The following CTNNA2 variants were observed in gnomAD, a reference collection of about 807,000 sequenced individuals.
The protein encoded by CTNNA2 is catenin alpha-2.
CTNNA2 carries 42 observed loss-of-function variants against 101.0 expected under a neutral mutation model. The ratio of observed to expected loss-of-function variants is 0.42; its 90% confidence interval spans 0.32 to 0.54. The LOEUF is 0.54. Ranked by LOEUF, CTNNA2 falls within the 20% of genes least tolerant of loss-of-function variation. The pLI is 0.14. For missense variants in CTNNA2, 871 were observed against 1,223.1 expected, an observed-to-expected ratio of 0.71 and a Z score of 4.29; for synonymous variants, 450 against 456.4, an observed-to-expected ratio of 0.99 and a Z score of 0.18.
chr2:79,256,861 A>G (rs1013287069), intron 2 of CTNNA2, among the ~76,000 whole-genome samples: 2 of 152,234 alleles, frequency 1.3e-5, no homozygotes, highest in African/African-American at 4.8e-5. Flanking sequence ...AGATTAAATG[A>G]GATAAAATGT....
intron 7 of CTNNA2, among the ~76,000 whole-genome samples, chr2:80,307,133 C>A (rs1677105735): frequency 6.6e-6 from 1 of 150,820 alleles, no homozygotes; most frequent in Non-Finnish European, 1.5e-5. Context: ...TATATGGTAT[C>A]TTTAAGCCTT....
intron 4 of CTNNA2, among the ~76,000 whole-genome samples, chr2:79,455,516 A>G (rs553232358): frequency 1.3e-5 from 2 of 152,194 alleles, no homozygotes; most frequent in East Asian, 1.9e-4. Flanking sequence ...ATTTCTATTT[A>G]GGGTTAATGT....
chr2:80,241,983 G>A (rs1339835794), intron 7 of CTNNA2, among the ~76,000 whole-genome samples: 1 of 152,256 alleles, frequency 6.6e-6, no homozygotes, highest in East Asian at 1.9e-4. Context: ...GAAATCCACA[G>A]CAAGTTAACT....
intron 18 of CTNNA2, among the ~76,000 whole-genome samples, chr2:80,635,638 C>T (rs981404850): frequency 6.6e-6 from 1 of 152,104 alleles, no homozygotes; most frequent in Non-Finnish European, 1.5e-5. Flanking sequence ...TTAATTGGAG[C>T]AATGATTGCA....
chr2:79,676,919 T>C (rs902123489), intron 2 of CTNNA2, among the ~76,000 whole-genome samples: 6 of 152,116 alleles, frequency 3.9e-5, no homozygotes, highest in Non-Finnish European at 8.8e-5. Flanking sequence ...CCACCTTTTG[T>C]GGGAAGTGCT....
chr2:80,532,418 A>G (rs1361977323), intron 9 of CTNNA2, among the ~76,000 whole-genome samples: 1 of 152,198 alleles, frequency 6.6e-6, no homozygotes, highest in East Asian at 1.9e-4. Context: ...TTCGTCACTT[A>G]GTATCCTTCT....
intron 2 of CTNNA2, among the ~76,000 whole-genome samples, chr2:79,224,169 G>A (rs1266906087): frequency 6.6e-6 from 1 of 152,150 alleles, no homozygotes; most frequent in African/African-American, 2.4e-5. Flanking sequence ...ATTTGTGTGT[G>A]TATATCTGCT....
At chr2:79,904,031 A>G (rs17018124) in intron 6 of CTNNA2, among the ~76,000 whole-genome samples, 2,974 of 152,192 alleles carry the variant, frequency 0.02, 103 homozygotes, top group African/African-American at 0.068. Flanking sequence ...AATATTTTTC[A>G]TATAATATGC....
At chr2:79,849,107 G>A (rs544910968) in intron 3 of CTNNA2, among the ~76,000 whole-genome samples, 43 of 152,204 alleles carry the variant, frequency 2.8e-4, no homozygotes, top group African/African-American at 1.0e-3. Context: ...CACTTCAGAG[G>A]CAGTGGCCCC....
intron 9 of CTNNA2, among the ~76,000 whole-genome samples, chr2:80,542,926 C>T (rs550570183): frequency 6.6e-6 from 1 of 151,960 alleles, no homozygotes; most frequent in East Asian, 1.9e-4. Context: ...ATTCTGGACT[C>T]GTACCACAGA....
At chr2:79,475,359 A>G (rs937942387) in intron 4 of CTNNA2, among the ~76,000 whole-genome samples, 4 of 152,190 alleles carry the variant, frequency 2.6e-5, no homozygotes, top group African/African-American at 7.2e-5. Flanking sequence ...GTACAAGTCC[A>G]GGAAAAAAGG....
In CTNNA2 at chr2:80,424,234, G is replaced by A. The variant is rs535913827; in HGVS notation, c.1290+4633G>A. Among the ~76,000 whole-genome samples the A allele has an allele frequency of 1.4e-4, 21 of 152,252 alleles. No homozygotes were observed. The South Asian group carries it at 1.5e-3, about 11-fold the overall frequency. Reference sequence around the variant, plus strand: ...CTCCCAAAGTGCTGGGATTACAGGCGTGAGCCACCGTGCCCGGCCCAGCAA... The same window carrying A: ...CTCCCAAAGTGCTGGGATTACAGGCATGAGCCACCGTGCCCGGCCCAGCAA... On this transcript the variant is annotated intron_variant, in intron 9 of 18. Transcript: ENST00000402739.
At chr2:79,967,710 A>G (rs1210371182) in intron 7 of CTNNA2, among the ~76,000 whole-genome samples, 1 of 152,134 alleles carries the variant, frequency 6.6e-6, no homozygotes, top group Non-Finnish European at 1.5e-5. Context: ...CAGCAAGTCC[A>G]CTCCTAAGTA....
intron 9 of CTNNA2, among the ~76,000 whole-genome samples, chr2:80,462,084 G>T (rs1413746991): frequency 6.6e-6 from 1 of 152,312 alleles, no homozygotes; most frequent in African/African-American, 2.4e-5. Context: ...TGCCTTAGAA[G>T]TCTAGGGAAT....
At chr2:79,535,840 G>A (rs1392320143) in intron 1 of CTNNA2, among the ~76,000 whole-genome samples, 1 of 152,054 alleles carries the variant, frequency 6.6e-6, no homozygotes, top group Non-Finnish European at 1.5e-5. Context: ...CTCTTGTATA[G>A]CTGCACATTG....
intron 3 of CTNNA2, among the ~76,000 whole-genome samples, chr2:79,756,132 A>G (rs1007179824): frequency 6.6e-5 from 10 of 151,588 alleles, no homozygotes; most frequent in Non-Finnish European, 1.5e-4. Context: ...AGATAATGGC[A>G]TATTATTCTT....
chr2:79,228,773 A>G (rs1002295927), intron 2 of CTNNA2, among the ~76,000 whole-genome samples: 1 of 151,734 alleles, frequency 6.6e-6, no homozygotes, highest in Admixed American at 6.6e-5. Flanking sequence ...CCACTTATCA[A>G]TTTTCATTTT....
intron 1 of CTNNA2, among the ~76,000 whole-genome samples, chr2:79,636,307 A>G (rs138995138): frequency 8.6e-5 from 13 of 150,814 alleles, no homozygotes; most frequent in Admixed American, 8.6e-4. Context: ...AAAGGAAGAA[A>G]AAGAAAAGAA....
intron 1 of CTNNA2, among the ~76,000 whole-genome samples, chr2:79,541,529 G>A (rs1673421539): frequency 6.6e-6 from 1 of 150,436 alleles, no homozygotes; most frequent in Admixed American, 6.7e-5. Flanking sequence ...TTGCCATATA[G>A]CCCAAATTCT....
Sources: gnomAD v4.1 joint callset for allele counts (sites outside exome capture counted in the v4.1 genomes callset) on GRCh38, gnomAD v4.1.1 for gene constraint, MANE v1.5 for transcripts, NCBI Gene and HGNC (gene_info 2026-07-23, HGNC 2026-07-21) for gene names.